MALRD1: variants seen among roughly 807,000 people sequenced by gnomAD.
MALRD1 encodes the protein MAM and LDL-receptor class A domain-containing protein 1.
Under a neutral mutation model 242.1 loss-of-function variants are expected in MALRD1, and 247 were observed. The observed-to-expected ratio is 1.02, with a 90% CI of 0.92 to 1.13. The LOEUF is 1.13. Ranked by LOEUF, MALRD1 falls within the 50% of genes most tolerant of loss-of-function variation. MALRD1 has a pLI of 0.00. For missense variants in MALRD1, 2,989 were observed against 2,533.1 expected, an observed-to-expected ratio of 1.18 and a Z score of -3.86; for synonymous variants, 995 against 866.6, an observed-to-expected ratio of 1.15 and a Z score of -2.60.
chr10:19,493,818 CA>C (rs113877880), intron 30 of MALRD1, among the ~76,000 whole-genome samples: 18,165 of 151,232 alleles, frequency 0.12, 3,145 homozygotes, highest in African/African-American at 0.39. Flanking sequence ...TCTCAAAAAA[CA>C]AAAAAACAAA....
chr10:19,567,818 A>G (rs1021180544), intron 33 of MALRD1, 115 bp downstream of exon 33: 9 of 934,684 alleles, frequency 9.6e-6, no homozygotes, highest in Non-Finnish European at 1.4e-5. Context: ...TTCTATTTAC[A>G]CATGGAAAAG....
intron 33 of MALRD1, among the ~76,000 whole-genome samples, chr10:19,571,705 G>A (rs933320339): frequency 6.6e-6 from 1 of 151,628 alleles, no homozygotes; most frequent in Non-Finnish European, 1.5e-5. Flanking sequence ...ATTTTTTTCA[G>A]TATTCATTTA....
intron 22 of MALRD1, among the ~76,000 whole-genome samples, chr10:19,325,958 T>A (rs369725966): frequency 9.7e-4 from 147 of 152,256 alleles, no homozygotes; most frequent in African/African-American, 3.4e-3. Flanking sequence ...TTCCTGGCTA[T>A]TGTTATTCAT....
chr10:19,229,279 A>T (rs758727720), intron 18 of MALRD1, among the ~76,000 whole-genome samples: 3 of 152,176 alleles, frequency 2.0e-5, no homozygotes, highest in African/African-American at 4.8e-5. Context: ...GAGGAAAATT[A>T]TAGCTTTATT....
At chr10:19,697,793 T>C (rs897336336) in intron 38 of MALRD1, among the ~76,000 whole-genome samples, 5 of 152,194 alleles carry the variant, frequency 3.3e-5, no homozygotes, top group African/African-American at 1.2e-4. Context: ...CTTCTTACCT[T>C]CTTTCTTTGC....
chr10:19,418,913 G>C (rs944728884), intron 28 of MALRD1, among the ~76,000 whole-genome samples: 2 of 152,122 alleles, frequency 1.3e-5, no homozygotes, highest in African/African-American at 4.8e-5. Context: ...GCCTGGGACA[G>C]TGCCCTTTAT....
intron 38 of MALRD1, among the ~76,000 whole-genome samples, chr10:19,709,803 G>A (rs1033028031): frequency 6.6e-6 from 1 of 152,030 alleles, no homozygotes; most frequent in Non-Finnish European, 1.5e-5. Flanking sequence ...TGAGACACTC[G>A]GCAACTTTAT....
intron 22 of MALRD1, among the ~76,000 whole-genome samples, chr10:19,327,238 A>G (rs1291286105): frequency 6.6e-6 from 1 of 152,042 alleles, no homozygotes; most frequent in Non-Finnish European, 1.5e-5. Flanking sequence ...AATATTATTT[A>G]ATATATAAAA....
chr10:19,467,286 C>A (rs1247004054), intron 29 of MALRD1, among the ~76,000 whole-genome samples: 1 of 144,716 alleles, frequency 6.9e-6, no homozygotes, highest in African/African-American at 2.5e-5. Context: ...ACCCGGGAGG[C>A]GGAGCTTGCA....
intron 32 of MALRD1, among the ~76,000 whole-genome samples, chr10:19,560,562 C>T (rs1048390630): frequency 3.3e-5 from 5 of 152,102 alleles, no homozygotes; most frequent in African/African-American, 9.7e-5. Context: ...GGAACCAACC[C>T]AAATGCCCAT....
intron 13 of MALRD1, among the ~76,000 whole-genome samples, chr10:19,167,185 C>T (rs543272112): frequency 6.6e-6 from 1 of 151,888 alleles, no homozygotes; most frequent in Non-Finnish European, 1.5e-5. Context: ...CAGTGAAACC[C>T]CACCTCTACA....
rs1477931707 is a variant in MALRD1, at chr10:19,701,338, A to T, written c.6314+8784A>T. Among the ~76,000 whole-genome samples, 3 of 152,180 alleles carry T rather than the reference A, an allele frequency of 2.0e-5. No homozygotes were observed. The East Asian group carries it at 5.8e-4, about 29-fold the overall frequency. ...CTTACTCTCAGGCCTCAGTGACCTC[A>T]TAAGTGGATGCGGCCCGGATAGTTC... On this transcript the variant is annotated intron_variant, in intron 38 of 39. Coordinates refer to ENST00000454679, the MANE Select transcript of MALRD1 (RefSeq NM_001142308.3).
At chr10:19,445,796 G>T (rs528681939) in intron 28 of MALRD1, among the ~76,000 whole-genome samples, 1 of 152,322 alleles carries the variant, frequency 6.6e-6, no homozygotes, top group Admixed American at 6.5e-5. Flanking sequence ...CAAACTCCGT[G>T]CTGGGAGAAC....
At chr10:19,418,843 T>C (rs1833609072) in intron 28 of MALRD1, among the ~76,000 whole-genome samples, 1 of 152,176 alleles carries the variant, frequency 6.6e-6, no homozygotes. Context: ...TTAGCTCAGG[T>C]TATCACATAG....
At chr10:19,339,057 T>C (rs1016260953) in intron 24 of MALRD1, among the ~76,000 whole-genome samples, 15 of 150,060 alleles carry the variant, frequency 1.0e-4, no homozygotes, top group African/African-American at 3.5e-4. Context: ...CACACACACA[T>C]AAATACACAT....
At chr10:19,629,176 T>G (rs998098735) in intron 36 of MALRD1, among the ~76,000 whole-genome samples, 1 of 152,164 alleles carries the variant, frequency 6.6e-6, no homozygotes, top group Non-Finnish European at 1.5e-5. Flanking sequence ...ATTAAATGGT[T>G]TTTAGGCTCC....
chr10:19,209,385 T>A lies in MALRD1; in HGVS notation c.2696T>A (p.Met899Lys). The change falls in exon 18 of 40, where the codon ATG becomes AAG. Residue 899 changes from methionine (M) to lysine (K), a missense_variant. By Grantham distance (95) the Met-to-Lys change is moderately conservative. Transcript: ENST00000454679. ...ACTCCAACACTTAACACAGGGCCAA[T>A]GAAAGATAACACTCTGGGCACAGCT... ...GPTPTLNTGP[M>K]KDNTLGTAKG... 1 of 1,551,022 alleles carries A rather than the reference T, an allele frequency of 6.4e-7. No homozygotes were observed. The highest frequency in any genetic ancestry group is 8.7e-7 in the Non-Finnish European group (1 of 1,147,084).
At chr10:19,356,384 G>A (rs2131014118) in intron 26 of MALRD1, among the ~76,000 whole-genome samples, 1 of 152,116 alleles carries the variant, frequency 6.6e-6, no homozygotes, top group South Asian at 2.1e-4. Flanking sequence ...GCGAGTTAAG[G>A]AATACCATGA....
intron 35 of MALRD1, among the ~76,000 whole-genome samples, chr10:19,615,074 TTCCAAGG>T (rs1839079121): frequency 1.3e-5 from 2 of 152,054 alleles, no homozygotes; most frequent in African/African-American, 4.8e-5. Context: ...TTTCAAATAG[TTCCAAGG>T]AGGATATTGA....
Sources: allele counts gnomAD v4.1 joint callset (sites outside exome capture counted in the v4.1 genomes callset), GRCh38; gene constraint gnomAD v4.1.1; transcripts MANE v1.5; gene names NCBI Gene and HGNC (gene_info 2026-07-23, HGNC 2026-07-21).